SBF2: variants seen among roughly 807,000 people sequenced by gnomAD.
SBF2 encodes SET binding factor 2, also known as myotubularin-related protein 13.
Under a neutral mutation model 225.2 loss-of-function variants are expected in SBF2, and 112 were observed. The ratio of observed to expected loss-of-function variants is 0.50; its 90% confidence interval spans 0.43 to 0.58. The LOEUF is 0.58. SBF2 is among the 20% of genes least tolerant of loss of function. The probability of loss-of-function intolerance (pLI) is 0.00; values close to 1 mark genes in which losing one functional copy is unlikely to be tolerated. For missense variants in SBF2, 1,996 were observed against 2,206.2 expected (o/e 0.90, Z 1.91); for synonymous variants, 763 against 773.3 (o/e 0.99, Z 0.22).
intron 17 of SBF2, among the ~76,000 whole-genome samples, chr11:9,877,588 G>A (rs1388298900): frequency 6.6e-6 from 1 of 151,470 alleles, no homozygotes; most frequent in Non-Finnish European, 1.5e-5. Flanking sequence ...GACGTTCCCT[G>A]CCCTGTGTCC....
At chr11:9,980,868 A>G (rs1362155835) in intron 13 of SBF2, among the ~76,000 whole-genome samples, 1 of 152,224 alleles carries the variant, frequency 6.6e-6, no homozygotes, top group Non-Finnish European at 1.5e-5. Context: ...GCCCAGCAAT[A>G]ATTTTCTATT....
At chr11:10,264,427 T>A (rs1014855480) in intron 1 of SBF2, among the ~76,000 whole-genome samples, 6 of 152,158 alleles carry the variant, frequency 3.9e-5, no homozygotes, top group African/African-American at 1.4e-4. Flanking sequence ...AAGGATAGCA[T>A]CTAGGCTGCC....
chr11:10,147,139 C>T (rs921244090), intron 2 of SBF2, among the ~76,000 whole-genome samples: 1 of 151,674 alleles, frequency 6.6e-6, no homozygotes, highest in Non-Finnish European at 1.5e-5. Flanking sequence ...ATTAGTTCAA[C>T]CATTGTGGAA....
chr11:10,076,003 C>G (rs766331900), intron 2 of SBF2, among the ~76,000 whole-genome samples: 3 of 151,972 alleles, frequency 2.0e-5, no homozygotes, highest in Non-Finnish European at 4.4e-5. Context: ...GGTGAACTTT[C>G]ATCCAAGAAG....
rs367717680 is a variant in SBF2 at position 9,993,990 on chromosome 11, G to A, written c.984C>T (p.His328=). Residue 328 remains histidine (H), a synonymous_variant, in exon 10 of 40, where the codon CAC becomes CAT. Transcript: ENST00000256190. ...CATGATCTGCTACTTCCAAATCTGG[G>A]TGTAAAATCTAAAGCAAAAAAGTTT... is the stretch of plus-strand genomic sequence containing the variant. The part of the protein sequence containing the change: ...QTQSALSLIL[H]PDLEVADHAF... The A allele has an allele frequency of 1.3e-5, 16 of 1,208,832 alleles. No individual in the cohort carries two copies. The highest frequency in any genetic ancestry group is 3.0e-5 in the African/African-American group (2 of 67,296). The allele number at this position is 1,208,832 out of a possible 1,614,324, so 74.9% of individuals were successfully genotyped here.
At chr11:10,070,319 T>C (rs1017372542) in intron 2 of SBF2, among the ~76,000 whole-genome samples, 2 of 152,256 alleles carry the variant, frequency 1.3e-5, no homozygotes, top group African/African-American at 4.8e-5. Context: ...TAATCCATCT[T>C]GAATTAATTT....
At chr11:9,851,135 C>CA (rs773210379) in intron 21 of SBF2, among the ~76,000 whole-genome samples, 4,163 of 71,906 alleles carry the variant, frequency 0.058, 188 homozygotes, top group African/African-American at 0.12. Flanking sequence ...GACTCCATCT[C>CA]AAAAAAAAAA....
chr11:9,958,278 C>T (rs1204433124), intron 16 of SBF2: 1 of 152,038 alleles, frequency 6.6e-6, no homozygotes. Flanking sequence ...AATAATTTGA[C>T]CCCTTATCCC....
At chr11:9,903,039 T>C (rs1343656049) in intron 16 of SBF2, among the ~76,000 whole-genome samples, 1 of 151,430 alleles carries the variant, frequency 6.6e-6, no homozygotes, top group Non-Finnish European at 1.5e-5. Context: ...GGGAAACAAT[T>C]GGCCGTGCGC....
At chr11:10,016,858 G>A (rs1324508649) in intron 6 of SBF2, 1 of 152,126 alleles carries the variant, frequency 6.6e-6, no homozygotes, top group Non-Finnish European at 1.5e-5. Context: ...AGCAGTGTTT[G>A]TTGCTGTGTT....
chr11:10,195,705 T>C (rs1288262568), intron 1 of SBF2, among the ~76,000 whole-genome samples: 1 of 152,188 alleles, frequency 6.6e-6, no homozygotes, highest in Non-Finnish European at 1.5e-5. Context: ...GAAAGTGACA[T>C]TCACTTTACT....
intron 33 of SBF2, among the ~76,000 whole-genome samples, chr11:9,792,655 G>A (rs970460111): frequency 4.6e-5 from 7 of 152,156 alleles, no homozygotes; most frequent in Non-Finnish European, 8.8e-5. Context: ...CTTCCTTGAT[G>A]TTGATTAGGT....
intron 16 of SBF2, among the ~76,000 whole-genome samples, chr11:9,950,734 T>C (rs1865809591): frequency 6.6e-6 from 1 of 152,212 alleles, no homozygotes; most frequent in East Asian, 1.9e-4. Flanking sequence ...GAATAGAGCT[T>C]GGCTCGGGTT....
chr11:10,178,004 A>G (rs1412377537), intron 2 of SBF2, among the ~76,000 whole-genome samples: 2 of 147,738 alleles, frequency 1.4e-5, no homozygotes, highest in South Asian at 2.1e-4. Flanking sequence ...GATATAGATC[A>G]ATGGAACAGA....
At chr11:9,831,139 A>G (rs1855373602) in intron 27 of SBF2, among the ~76,000 whole-genome samples, 1 of 152,064 alleles carries the variant, frequency 6.6e-6, no homozygotes, top group Admixed American at 6.6e-5. Flanking sequence ...GCTGGGACTC[A>G]GGCACGTGCC....
Position 10,294,187 on chromosome 11 carries a change from C to A in SBF2, c.-118G>T, listed in dbSNP as rs563422015. 1,279 of 776,764 alleles carry A rather than the reference C, an allele frequency of 1.6e-3. 9 individuals carry two copies. In the African/African-American group the frequency reaches 0.018, roughly 11 times the overall value. 48.1% of individuals were successfully genotyped at this position (776,764 alleles called of 1,614,324 possible). A position where few individuals can be genotyped will look rare whatever the true frequency, so the allele number is the denominator to read the frequency against. On this transcript the variant is annotated 5_prime_UTR_variant, in exon 1 of 40. Transcript: ENST00000256190. ...AGCGGCAGTAGCGGCAGCGGCAGCG[C>A]TTCAGCCATGTTTGACAACCGAGGC...
intron 28 of SBF2, among the ~76,000 whole-genome samples, chr11:9,827,567 C>T (rs1855144065): frequency 6.6e-6 from 1 of 151,936 alleles, no homozygotes; most frequent in African/African-American, 2.4e-5. Flanking sequence ...TCTGGAATTT[C>T]CTCTGCAGAG....
rs565956686 is a variant in SBF2 at position 9,888,546 on chromosome 11, A to T, written c.1929+7397T>A. 1.3e-3 allele frequency among the ~76,000 whole-genome samples: 191 copies of T among 152,130 alleles called. 1 individual carries two copies. Among genetic ancestry groups the T allele is most frequent in the African/African-American group, 4.4e-3 (182 of 41,510 alleles). On this transcript the variant is annotated intron_variant, in intron 17 of 39. Coordinates refer to ENST00000256190, the MANE Select transcript of SBF2 (RefSeq NM_030962.4). ...AATATATGAATATTTGAAACTTATA[A>T]ATAATACTATGTAACGATTAAAGGG... is the stretch of plus-strand genomic sequence containing the variant.
At chr11:10,166,188 T>C (rs193274753) in intron 2 of SBF2, among the ~76,000 whole-genome samples, 157 of 152,260 alleles carry the variant, frequency 1.0e-3, no homozygotes, top group African/African-American at 3.7e-3. Flanking sequence ...AAACTAAAAT[T>C]AGATGATCAC....
Sources: gnomAD v4.1 joint callset for allele counts (sites outside exome capture counted in the v4.1 genomes callset) on GRCh38, gnomAD v4.1.1 for gene constraint, MANE v1.5 for transcripts, NCBI Gene and HGNC (gene_info 2026-07-23, HGNC 2026-07-21) for gene names.